The following ZNF385A variants were observed in gnomAD, a reference collection of about 807,000 sequenced individuals.
ZNF385A encodes hematopoietic zinc finger protein.
ZNF385A carries 14 observed loss-of-function variants against 32.1 expected under a neutral mutation model. The ratio of observed to expected loss-of-function variants is 0.44; its 90% CI spans 0.29 to 0.68. ZNF385A has a LOEUF of 0.68. ZNF385A is among the 30% of genes least tolerant of loss of function. The probability of loss-of-function intolerance (pLI) is 0.14; values close to 1 mark genes in which losing one functional copy is unlikely to be tolerated. For synonymous variants in ZNF385A, 197 were observed against 202.7 expected (o/e 0.97, Z 0.24); for missense variants, 406 against 478.4 (o/e 0.85, Z 1.41).
chr12:54,381,988 C>A (rs1463668811), intron 1 of ZNF385A, among the ~76,000 whole-genome samples: 1 of 152,096 alleles, frequency 6.6e-6, no homozygotes, highest in African/African-American at 2.4e-5. Flanking sequence ...AGTGTGGTAA[C>A]TGAGTCCCGT....
In ZNF385A at chr12:54,384,654, C is replaced by T. The variant is rs1265465994; in HGVS notation, c.-140G>A. The T allele has an allele frequency of 1.1e-5, 15 of 1,413,698 alleles. No individual in the cohort carries two copies. The East Asian group carries it at 3.0e-4, about 28-fold the overall frequency. 87.6% of individuals were successfully genotyped at this position (1,413,698 alleles called of 1,614,324 possible). A position where few individuals can be genotyped will look rare whatever the true frequency, so the allele number is the denominator to read the frequency against. Reference sequence around the variant, plus strand: ...TGCCAGTCCCACTCCCTAGCCAGGGCCCCCACACTCAGAAGTGTCACCCTC... The same window carrying T: ...TGCCAGTCCCACTCCCTAGCCAGGGTCCCCACACTCAGAAGTGTCACCCTC... On this transcript the variant is annotated 5_prime_UTR_variant, in exon 1 of 7. Transcript: ENST00000394313.
At chr12:54,371,175 C>T in intron 4 of ZNF385A, 79 bp from the exon 5 acceptor site, 1 of 1,476,792 alleles carries the variant, frequency 6.8e-7, no homozygotes. Flanking sequence ...TGCACATTCC[C>T]AGGTACAATA....
exon 1 of ZNF385A, chr12:54,391,272 G>A: frequency 7.3e-7 from 1 of 1,372,238 alleles, no homozygotes; most frequent in East Asian, 3.1e-5. Flanking sequence ...CCGGGGTTCC[G>A]CGTCGCTCTG....
rs937205472 is a variant in ZNF385A at position 54,371,177 on chromosome 12, G to T, written c.605-81C>A. 41 of 1,468,494 alleles carry T rather than the reference G, an allele frequency of 2.8e-5. No individual in the cohort carries two copies. The African/African-American group carries it at 5.5e-4, about 20-fold the overall frequency. 91.0% of individuals were successfully genotyped at this position (1,468,494 alleles called of 1,614,324 possible). On this transcript the variant is annotated intron_variant, in intron 4 of 6. Coordinates refer to ENST00000394313, the MANE Select transcript of ZNF385A (RefSeq NM_015481.3). ...CTGGGCCTCAGAATGCACATTCCCA[G>T]GTACAATATGAGGGGGAAGAGGGTG...
rs1028582666 is a variant in ZNF385A at position 54,369,342 on chromosome 12, C to T, written c.*914G>A. 6.6e-6 allele frequency: 1 copy of T among 152,134 alleles called. No homozygotes were observed. The highest frequency in any genetic ancestry group is 1.5e-5 in the Non-Finnish European group (1 of 68,056). The allele number at this position is 152,134 out of a possible 1,614,324, so 9.4% of individuals were successfully genotyped here. A position where few individuals can be genotyped will look rare whatever the true frequency, so the allele number is the denominator to read the frequency against. On this transcript the variant is annotated 3_prime_UTR_variant, in exon 7 of 7. Coordinates refer to ENST00000394313, the MANE Select transcript of ZNF385A (RefSeq NM_015481.3). Reference sequence around the variant, plus strand: ...CGGGGGTGGGGGAGAGGTGTCACACCCCCGCCCGAGTTGTGCAGTGGAGGT... The same window carrying T: ...CGGGGGTGGGGGAGAGGTGTCACACTCCCGCCCGAGTTGTGCAGTGGAGGT...
At chr12:54,383,612 C>T (rs185303589) in intron 1 of ZNF385A, among the ~76,000 whole-genome samples, 45 of 152,236 alleles carry the variant, frequency 3.0e-4, no homozygotes, top group African/African-American at 1.0e-3. Flanking sequence ...TAGACAGTGG[C>T]GGCTGGGTGT....
intron 1 of ZNF385A, among the ~76,000 whole-genome samples, chr12:54,380,851 A>G (rs933520091): frequency 1.3e-5 from 2 of 152,196 alleles, no homozygotes; most frequent in African/African-American, 4.8e-5. Flanking sequence ...GCTGGTGTTA[A>G]TACTATCCCA....
chr12:54,387,403 G>T (rs1955518988), upstream of ZNF385A, among the ~76,000 whole-genome samples: 1 of 152,210 alleles, frequency 6.6e-6, no homozygotes, highest in Admixed American at 6.5e-5. Flanking sequence ...CCATTCTGAG[G>T]TGGCGAGAGA....
upstream of ZNF385A, chr12:54,384,967 G>C: frequency 3.1e-6 from 3 of 983,558 alleles, no homozygotes; most frequent in East Asian, 1.0e-4. Flanking sequence ...GCTTGGTATC[G>C]CCCCAGGAAG....
intron 3 of ZNF385A, 108 bp from the exon 4 acceptor site, chr12:54,371,823 C>T: frequency 6.6e-7 from 1 of 1,506,670 alleles, no homozygotes; most frequent in Non-Finnish European, 9.0e-7. Flanking sequence ...ACCAGGAGTC[C>T]CCACCCTGTT....
chr12:54,384,158 C>T (rs1955343662), intron 1 of ZNF385A, among the ~76,000 whole-genome samples: 2 of 152,172 alleles, frequency 1.3e-5, no homozygotes, highest in South Asian at 2.1e-4. Flanking sequence ...GATGGTAGGG[C>T]GATTCACTGT....
At chr12:54,384,886 G>A, upstream of ZNF385A, 1 of 1,082,466 alleles carries the variant, frequency 9.2e-7, no homozygotes, top group Non-Finnish European at 1.1e-6. Flanking sequence ...TGCTGAACCA[G>A]CAGGACTCCC....
At chr12:54,382,964 C>A (rs1336277333) in intron 1 of ZNF385A, among the ~76,000 whole-genome samples, 3 of 152,022 alleles carry the variant, frequency 2.0e-5, no homozygotes, top group Non-Finnish European at 4.4e-5. Flanking sequence ...GGGTTCCAGA[C>A]CAGCCTGGCC....
chr12:54,370,987 G>A lies in ZNF385A; in HGVS notation c.714C>T (p.Asp238=), dbSNP rs757545806. 9.9e-6 allele frequency: 16 copies of A among 1,614,162 alleles called. No individual in the cohort carries two copies. In the South Asian group the frequency reaches 1.8e-4, roughly 18 times the overall value. The change falls in exon 5 of 7, where the codon GAC becomes GAT. Residue 238 remains aspartate (D), a synonymous_variant. Transcript: ENST00000394313. The surrounding 1 kb of genome is among the most constrained non-coding windows in gnomAD (Gnocchi z 5.5). ...TPGEPEAPAQ[D]RTFHCEICNV... ...TGCAGATCTCACAGTGGAAAGTTCG[G>A]TCCTGGGCAGGAGCCTCTGGTTCCC...
In ZNF385A at chr12:54,370,390, C is replaced by T. The variant is rs1282929314; in HGVS notation, c.967G>A (p.Gly323Ser). 1 of 1,529,418 alleles carries T rather than the reference C, an allele frequency of 6.5e-7. No homozygotes were observed. The allele number at this position is 1,529,418 out of a possible 1,614,324, so 94.7% of individuals were successfully genotyped here. ...GCCGGGCGCAGGGACAGCGGCGAGC[C>T]TGCTGCCGCTGCCATCACTGCAGCC... is the stretch of plus-strand genomic sequence containing the variant. Reference protein sequence around the residue: ...AVAAVMAAAAGSPLSLRPAPA... With the variant: ...AVAAVMAAAASSPLSLRPAPA... Residue 323 changes from glycine to serine, a missense_variant, in exon 7 of 7, where the codon GGC (glycine) becomes AGC (serine). Gly to Ser is a moderately conservative substitution (Grantham distance 56). Coordinates refer to ENST00000394313, the MANE Select transcript of ZNF385A (RefSeq NM_015481.3). This position sits in a 1 kb window ranked among gnomAD's most constrained non-coding sequence, Gnocchi z 5.5.
chr12:54,391,133 G>T, intron 1 of ZNF385A: 1 of 1,284,434 alleles, frequency 7.8e-7, no homozygotes, highest in Non-Finnish European at 1.0e-6. Flanking sequence ...CTGACGGGCG[G>T]CCGCAGTCAC....
chr12:54,382,608 G>A lies in ZNF385A; in HGVS notation c.87+1820C>T, dbSNP rs957388562. On this transcript the variant is annotated intron_variant, in intron 1 of 6. Coordinates refer to ENST00000394313, the MANE Select transcript of ZNF385A (RefSeq NM_015481.3). Reference sequence around the variant, plus strand: ...TCTACCTTGTTGGGTTGTTGTGAAGGTGAAATGAGATTGCAGATAGAAACA... The same window carrying A: ...TCTACCTTGTTGGGTTGTTGTGAAGATGAAATGAGATTGCAGATAGAAACA... Among the ~76,000 whole-genome samples the A allele has an allele frequency of 2.0e-5, 3 of 152,178 alleles. No individual in the cohort carries two copies. The South Asian group carries it at 6.2e-4, about 32-fold the overall frequency.
At chr12:54,391,151 C>G (rs1274328976) in intron 1 of ZNF385A, 1 of 1,406,278 alleles carries the variant, frequency 7.1e-7, no homozygotes, top group Non-Finnish European at 9.4e-7. Flanking sequence ...CACCGCGGTG[C>G]CGGGAGATGG....
Position 54,374,057 on chromosome 12 carries a change from T to C in ZNF385A, c.277A>G (p.Arg93Gly). ...CCAGGTTCTCGGACGCCAGGCTCCC[T>C]GCCTCTGGTCTTGGCAGCCTCAATG... ...KGIEAAKTRG[R>G]EPGVREPGDP... The change falls in exon 3 of 7, where the codon AGG becomes GGG. Residue 93 changes from arginine to glycine, a missense_variant. Transcript: ENST00000394313. The C allele has an allele frequency of 6.2e-7, 1 of 1,603,356 alleles. No homozygotes were observed. The highest frequency in any genetic ancestry group is 8.5e-7 in the Non-Finnish European group (1 of 1,172,808).
Sources: allele counts gnomAD v4.1 joint callset (sites outside exome capture counted in the v4.1 genomes callset), GRCh38; gene constraint gnomAD v4.1.1; non-coding constraint Gnocchi (gnomAD v3.1); transcripts MANE v1.5; gene names NCBI Gene and HGNC (gene_info 2026-07-23, HGNC 2026-07-21).